CLYBL: variants seen among roughly 807,000 people sequenced by gnomAD.
The protein encoded by CLYBL is citramalyl-CoA lyase.
A neutral mutation model predicts 38.9 loss-of-function variants in CLYBL; 31 were observed. The observed-to-expected ratio is 0.80, with a 90% CI of 0.60 to 1.08. The LOEUF (loss-of-function observed/expected upper bound fraction) is 1.08. Ranked by LOEUF, CLYBL falls within the 50% of genes least tolerant of loss-of-function variation. The pLI is 0.00. For synonymous variants in CLYBL, 171 were observed against 158.6 expected (o/e 1.08, Z -0.59); for missense variants, 434 against 411.6 (o/e 1.05, Z -0.47).
intron 1 of CLYBL, among the ~76,000 whole-genome samples, chr13:99,747,487 G>A (rs2048874352): frequency 6.6e-6 from 1 of 152,096 alleles, no homozygotes; most frequent in Non-Finnish European, 1.5e-5. Context: ...GGGTGCCCAT[G>A]TGCTGTGAGG....
intron 2 of CLYBL, among the ~76,000 whole-genome samples, chr13:99,782,538 A>G (rs1190610435): frequency 1.3e-5 from 2 of 152,096 alleles, no homozygotes; most frequent in East Asian, 3.9e-4. Flanking sequence ...AAAAAATTTC[A>G]AAGGATGGGT....
rs984173795 is a variant in CLYBL at position 99,882,147 on chromosome 13, T to C, written c.928-9171T>C. Among the ~76,000 whole-genome samples, 137 of 152,254 alleles carry C rather than the reference T, an allele frequency of 9.0e-4. 1 individual carries two copies. Among genetic ancestry groups the C allele is most frequent in the African/African-American group, 3.2e-3 (133 of 41,568 alleles). The stretch of plus-strand genomic sequence containing the variant: ...ATACAAAATAAATATGTAGCTGTAT[T>C]AGAACTTTATAATTATCCCAAATAC... On this transcript the variant is annotated intron_variant, in intron 7 of 8. Transcript: ENST00000339105.
At chr13:99,817,495 A>G (rs957675051) in intron 2 of CLYBL, among the ~76,000 whole-genome samples, 1 of 151,772 alleles carries the variant, frequency 6.6e-6, no homozygotes, top group Non-Finnish European at 1.5e-5. Context: ...CTCTACTAAA[A>G]ATACAAAAAC....
At chr13:99,793,005 ACTT>A (rs1044471131) in intron 2 of CLYBL, among the ~76,000 whole-genome samples, 3 of 150,198 alleles carry the variant, frequency 2.0e-5, no homozygotes, top group African/African-American at 7.4e-5. Context: ...TCTCATTTAT[ACTT>A]CTTCTTGTGC....
chr13:99,788,211 C>T (rs150579747), intron 2 of CLYBL, among the ~76,000 whole-genome samples: 2,403 of 152,256 alleles, frequency 0.016, 58 homozygotes, highest in African/African-American at 0.055. Flanking sequence ...TGCCTGATTG[C>T]CCTGGCCAGA....
At chr13:99,707,943 C>G (rs1470197830) in intron 1 of CLYBL, among the ~76,000 whole-genome samples, 1 of 152,140 alleles carries the variant, frequency 6.6e-6, no homozygotes, top group Non-Finnish European at 1.5e-5. Flanking sequence ...AGCATTCACC[C>G]TGGACTTAGG....
intron 2 of CLYBL, among the ~76,000 whole-genome samples, chr13:99,833,621 G>A (rs1353186593): frequency 2.7e-5 from 4 of 147,784 alleles, no homozygotes; most frequent in Non-Finnish European, 1.5e-5. Flanking sequence ...GAGTGCCTAG[G>A]TATTTGGCAC....
intron 1 of CLYBL, among the ~76,000 whole-genome samples, chr13:99,712,845 T>C (rs114820724): frequency 6.6e-6 from 1 of 152,326 alleles, no homozygotes; most frequent in African/African-American, 2.4e-5. Flanking sequence ...TAAAACACCA[T>C]AATCCTGGCG....
In CLYBL at chr13:99,866,240, GT is replaced by G. The variant is rs766803853; in HGVS notation, c.636del (p.Ala213GlnfsTer20). 1.5e-4 allele frequency: 234 copies of G among 1,613,042 alleles called. 1 individual carries two copies. The highest frequency in any genetic ancestry group is 1.9e-4 in the Non-Finnish European group (223 of 1,179,860). On this transcript the variant is annotated frameshift_variant and splice_region_variant, in exon 6 of 9. Coordinates refer to ENST00000339105, the MANE Select transcript of CLYBL (RefSeq NM_206808.5). LOFTEE classifies it high-confidence loss of function. ...FGGEDFRASI[G>X]ATSSKETLDI... is the part of the protein sequence containing the mutation. ...TTTTCTGTTAACATCCCATTTTCAG[GT>G]GCAACAAGTAGTAAAGAAACCCTGG...
At chr13:99,805,585 G>A (rs7327405) in intron 2 of CLYBL, among the ~76,000 whole-genome samples, 4,426 of 152,024 alleles carry the variant, frequency 0.029, 110 homozygotes, top group East Asian at 0.074. Context: ...AGGAGGGGGT[G>A]GGGGAGGGGA....
At chr13:99,897,036 T>G (rs1458211553), downstream of CLYBL, 1 of 152,328 alleles carries the variant, frequency 6.6e-6, no homozygotes, top group Admixed American at 6.5e-5. Flanking sequence ...TAATGTCAAG[T>G]GTCAAAGCAA....
intron 1 of CLYBL, among the ~76,000 whole-genome samples, chr13:99,687,702 A>C (rs57112530): frequency 0.014 from 2,064 of 152,326 alleles, 47 homozygotes; most frequent in African/African-American, 0.047. Context: ...AGACTTAATC[A>C]AATCTTCATT....
intron 7 of CLYBL, among the ~76,000 whole-genome samples, chr13:99,879,893 T>C (rs899353779): frequency 1.3e-5 from 2 of 152,004 alleles, no homozygotes; most frequent in African/African-American, 4.8e-5. Flanking sequence ...TGTGCCGTGG[T>C]CATGGGGCTG....
chr13:99,609,487 G>C (rs2046592877), intron 1 of CLYBL, among the ~76,000 whole-genome samples: 1 of 151,820 alleles, frequency 6.6e-6, no homozygotes, highest in Non-Finnish European at 1.5e-5. Context: ...CCTGTTTTTA[G>C]GTTTGCTGAT....
At chr13:99,649,907 AAAAG>A (rs1300411844) in intron 1 of CLYBL, among the ~76,000 whole-genome samples, 6 of 151,582 alleles carry the variant, frequency 4.0e-5, no homozygotes, top group African/African-American at 1.5e-4. Flanking sequence ...TCATGAAAAA[AAAAG>A]AAAGTTTTCA....
intron 2 of CLYBL, among the ~76,000 whole-genome samples, chr13:99,855,252 T>C (rs2051432864): frequency 1.3e-5 from 2 of 152,150 alleles, no homozygotes; most frequent in South Asian, 4.1e-4. Context: ...CTCTCAAACC[T>C]CATTTTAAAC....
chr13:99,858,596 C>T (rs1014186487), intron 2 of CLYBL, among the ~76,000 whole-genome samples: 6 of 152,202 alleles, frequency 3.9e-5, no homozygotes, highest in Non-Finnish European at 5.9e-5. Flanking sequence ...ATGAGAAAGA[C>T]GACACTTCCA....
chr13:99,791,044 G>A (rs1185645776), intron 2 of CLYBL, among the ~76,000 whole-genome samples: 1 of 152,142 alleles, frequency 6.6e-6, no homozygotes, highest in African/African-American at 2.4e-5. Flanking sequence ...ATTGTGATTT[G>A]AGGAAGGCCT....
intron 1 of CLYBL, among the ~76,000 whole-genome samples, chr13:99,653,136 T>C (rs2047279767): frequency 6.6e-6 from 1 of 152,108 alleles, no homozygotes; most frequent in African/African-American, 2.4e-5. Context: ...CAAGGGTTTG[T>C]AGAGGGGAGT....
Sources: gnomAD v4.1 joint callset for allele counts (sites outside exome capture counted in the v4.1 genomes callset) on GRCh38, gnomAD v4.1.1 for gene constraint, MANE v1.5 for transcripts, NCBI Gene and HGNC (gene_info 2026-07-23, HGNC 2026-07-21) for gene names.